MACROD2: variants seen among roughly 807,000 people sequenced by gnomAD.
MACROD2 encodes ADP-ribose glycohydrolase MACROD2.
Under a neutral mutation model 70.4 loss-of-function variants are expected in MACROD2, and 36 were observed. The observed-to-expected ratio is 0.51, with a 90% CI of 0.39 to 0.68. The LOEUF (loss-of-function observed/expected upper bound fraction) is 0.68. Ranked by LOEUF, MACROD2 falls within the 30% of genes least tolerant of loss-of-function variation. MACROD2 has a pLI of 0.00. For missense variants in MACROD2, 496 were observed against 538.4 expected, an observed-to-expected ratio of 0.92 and a Z score of 0.78; for synonymous variants, 172 against 178.8, an observed-to-expected ratio of 0.96 and a Z score of 0.30.
chr20:14,021,384 T>C (rs922912327), intron 2 of MACROD2, among the ~76,000 whole-genome samples: 2 of 152,212 alleles, frequency 1.3e-5, no homozygotes, highest in Non-Finnish European at 2.9e-5. Flanking sequence ...TGTGAGTCTG[T>C]AGCGGCCTTG....
chr20:15,609,864 G>A (rs183944571), intron 8 of MACROD2, among the ~76,000 whole-genome samples: 123 of 152,234 alleles, frequency 8.1e-4, no homozygotes, highest in African/African-American at 2.7e-3. Context: ...AGCCCTCTCA[G>A]GGGATACAGA....
intron 5 of MACROD2, among the ~76,000 whole-genome samples, chr20:15,208,989 T>C (rs2076736224): frequency 6.6e-6 from 1 of 152,130 alleles, no homozygotes; most frequent in Non-Finnish European, 1.5e-5. Flanking sequence ...ACTGGACCTT[T>C]GATGACAGGG....
chr20:14,204,667 G>T (rs1237516188), intron 3 of MACROD2, among the ~76,000 whole-genome samples: 1 of 152,164 alleles, frequency 6.6e-6, no homozygotes, highest in Non-Finnish European at 1.5e-5. Context: ...GCTCTGAACT[G>T]ATCCCGGCCA....
At chr20:15,006,644 GA>G (rs1377516825) in intron 5 of MACROD2, among the ~76,000 whole-genome samples, 1 of 151,936 alleles carries the variant, frequency 6.6e-6, no homozygotes, top group Non-Finnish European at 1.5e-5. Context: ...TCTACAAGCT[GA>G]AAAAAATACA....
intron 6 of MACROD2, among the ~76,000 whole-genome samples, chr20:15,373,534 A>G (rs1304925906): frequency 6.6e-6 from 1 of 152,084 alleles, no homozygotes; most frequent in Non-Finnish European, 1.5e-5. Flanking sequence ...CTTCCCAAGT[A>G]GCTTGGACTA....
chr20:15,401,847 G>A (rs1021664333), intron 6 of MACROD2, among the ~76,000 whole-genome samples: 2 of 152,162 alleles, frequency 1.3e-5, no homozygotes, highest in Non-Finnish European at 1.5e-5. Context: ...GACCTTGGGG[G>A]AATGATCCCA....
At chr20:14,967,861 A>G (rs1387689223) in intron 5 of MACROD2, among the ~76,000 whole-genome samples, 1 of 152,152 alleles carries the variant, frequency 6.6e-6, no homozygotes. Flanking sequence ...AATAAATTTT[A>G]TATAACCTAC....
At chr20:15,841,861 T>C (rs959335342) in intron 8 of MACROD2, among the ~76,000 whole-genome samples, 5 of 151,904 alleles carry the variant, frequency 3.3e-5, no homozygotes, top group Non-Finnish European at 5.9e-5. Flanking sequence ...CCCTGGAAAA[T>C]AGAGATGCAA....
intron 5 of MACROD2, among the ~76,000 whole-genome samples, chr20:15,139,249 T>C (rs909152073): frequency 8.5e-5 from 13 of 152,170 alleles, no homozygotes; most frequent in Non-Finnish European, 1.8e-4. Flanking sequence ...CACCCTGGAT[T>C]TGGCAGCAGG....
intron 5 of MACROD2, among the ~76,000 whole-genome samples, chr20:15,043,898 A>G (rs1308675680): frequency 6.6e-6 from 1 of 152,220 alleles, no homozygotes. Context: ...ATGGCCAGAC[A>G]GAAGAGATGC....
chr20:15,229,915 T>C (rs2145981903), intron 5 of MACROD2, 25 bp from the exon 6 acceptor site: 3 of 1,576,874 alleles, frequency 1.9e-6, no homozygotes, highest in Non-Finnish European at 2.6e-6. Context: ...GCTTATCCTC[T>C]TTTTCCTTCC....
chr20:15,899,428 C>A (rs901618072), intron 10 of MACROD2, among the ~76,000 whole-genome samples: 3 of 152,050 alleles, frequency 2.0e-5, no homozygotes, highest in Non-Finnish European at 4.4e-5. Context: ...GAAGAAGGAG[C>A]ACAGTTGGGT....
At chr20:15,359,200 G>T (rs2078323764) in intron 6 of MACROD2, among the ~76,000 whole-genome samples, 1 of 152,058 alleles carries the variant, frequency 6.6e-6, no homozygotes, top group Non-Finnish European at 1.5e-5. Context: ...AGAAGAAACT[G>T]CTCATCTTCC....
At chr20:14,596,228 TAC>T (rs1982129398) in intron 4 of MACROD2, among the ~76,000 whole-genome samples, 1 of 121,714 alleles carries the variant, frequency 8.2e-6, no homozygotes, top group Non-Finnish European at 1.6e-5. Flanking sequence ...TGGGACTACA[TAC>T]AGGCGCCCGC....
At chr20:15,219,956 GAA>G (rs11482499) in intron 5 of MACROD2, among the ~76,000 whole-genome samples, 3 of 106,768 alleles carry the variant, frequency 2.8e-5, no homozygotes, top group Non-Finnish European at 3.8e-5. Flanking sequence ...ATCATCTCCT[GAA>G]AAAAAAAAAA....
At chr20:15,258,676 T>C (rs1173912732) in intron 6 of MACROD2, among the ~76,000 whole-genome samples, 1 of 152,082 alleles carries the variant, frequency 6.6e-6, no homozygotes, top group Admixed American at 6.6e-5. Flanking sequence ...ATCCCCATCA[T>C]TAACCAATGC....
chr20:15,644,605 A>G (rs1389721266), intron 8 of MACROD2, among the ~76,000 whole-genome samples: 1 of 152,216 alleles, frequency 6.6e-6, no homozygotes, highest in Non-Finnish European at 1.5e-5. Flanking sequence ...TAGTTTATAC[A>G]GTTCTCACAA....
chr20:15,709,383 A>G (rs1007554166), intron 8 of MACROD2, among the ~76,000 whole-genome samples: 1 of 152,164 alleles, frequency 6.6e-6, no homozygotes, highest in East Asian at 1.9e-4. Flanking sequence ...CCTATAGGCC[A>G]GGTGTGGTGG....
Position 15,268,006 on chromosome 20 carries a change from A to C in MACROD2, c.540+37945A>C, listed in dbSNP as rs140000557. Among the ~76,000 whole-genome samples, 422 of 152,326 alleles carry C rather than the reference A, an allele frequency of 2.8e-3. 4 individuals carry two copies. The highest frequency in any genetic ancestry group is 9.3e-3 in the African/African-American group (386 of 41,558). ...TAATCTTTCCTGGTCATGTGACAAG[A>C]ACCCAGTTTTTAGCTGAACTGAGGA... On this transcript the variant is annotated intron_variant, in intron 6 of 17. Transcript: ENST00000684519.
Sources: gnomAD v4.1 joint callset for allele counts (sites outside exome capture counted in the v4.1 genomes callset) on GRCh38, gnomAD v4.1.1 for gene constraint, MANE v1.5 for transcripts, NCBI Gene and HGNC (gene_info 2026-07-23, HGNC 2026-07-21) for gene names.